BCL2L11: variants seen among roughly 807,000 people sequenced by gnomAD.
BCL2L11 encodes bcl-2-like protein 11.
A neutral mutation model predicts 20.6 loss-of-function variants in BCL2L11; 15 were observed. The observed-to-expected ratio is 0.73, with a 90% CI of 0.49 to 1.12. The LOEUF is 1.12. BCL2L11 is among the 50% of genes most tolerant of loss of function. BCL2L11 has a pLI of 0.00. For missense variants in BCL2L11, 292 were observed against 260.9 expected (o/e 1.12, Z -0.82); for synonymous variants, 108 against 92.8 (o/e 1.16, Z -0.94).
At chr2:111,141,926 C>T (rs1345054010) in intron 2 of BCL2L11, among the ~76,000 whole-genome samples, 1 of 152,112 alleles carries the variant, frequency 6.6e-6, no homozygotes, top group Admixed American at 6.5e-5. Context: ...GTCTTGAACT[C>T]CTGACCTCAA....
At position 111,139,793 on chromosome 2, in the gene BCL2L11, A is replaced by G. The variant is rs113353186; in HGVS notation, c.395-10251A>G. On this transcript the variant is annotated intron_variant, in intron 2 of 3. Coordinates refer to ENST00000393256, the MANE Select transcript of BCL2L11 (RefSeq NM_138621.5). ...TTTGTCTCCCCAGTGTCCTCTGGGA[A>G]ACCAAAATGTGCTTTGTATTTTCTC... 9.9e-3 allele frequency among the ~76,000 whole-genome samples: 1,504 copies of G among 152,316 alleles called. 42 individuals carry two copies. Among genetic ancestry groups the G allele is most frequent in the African/African-American group, 0.035 (1,451 of 41,564 alleles).
chr2:111,157,698 C>T (rs1001531957), intron 3 of BCL2L11, among the ~76,000 whole-genome samples: 39 of 152,332 alleles, frequency 2.6e-4, no homozygotes, highest in African/African-American at 9.4e-4. Flanking sequence ...TGGACATTCA[C>T]TGGAGAAGAG....
chr2:111,146,793 A>G (rs4848397), intron 2 of BCL2L11, among the ~76,000 whole-genome samples: 17,176 of 152,246 alleles, frequency 0.11, 1,047 homozygotes, highest in East Asian at 0.26. Flanking sequence ...GTACTAACAG[A>G]TTAAAACTAC....
intron 2 of BCL2L11, among the ~76,000 whole-genome samples, chr2:111,147,153 G>C (rs1257839217): frequency 1.3e-5 from 2 of 152,042 alleles, no homozygotes; most frequent in Non-Finnish European, 2.9e-5. Context: ...TATAAGCCTA[G>C]TCTCTAAACC....
At chr2:111,134,141 T>C (rs766424118) in intron 2 of BCL2L11, among the ~76,000 whole-genome samples, 29 of 152,060 alleles carry the variant, frequency 1.9e-4, no homozygotes, top group Non-Finnish European at 2.8e-4. Context: ...GTCTCTTAAA[T>C]GGTCTAGACC....
chr2:111,129,951 GT>G lies in BCL2L11; in HGVS notation c.394+5819del, dbSNP rs769523928. On this transcript the variant is annotated intron_variant, in intron 2 of 3. Transcript: ENST00000393256. Reference sequence around the variant, plus strand: ...AGATGTTGTGTAACAATAGTGCCTTGTTTTTTTATTGCTGAATAGTATTCCA... The same window carrying G: ...AGATGTTGTGTAACAATAGTGCCTTGTTTTTTATTGCTGAATAGTATTCCA... Among the ~76,000 whole-genome samples, 10 of 152,190 alleles carry G rather than the reference GT, an allele frequency of 6.6e-5. 1 individual carries two copies. The highest frequency in any genetic ancestry group is 1.4e-4 in the African/African-American group (6 of 41,514).
At chr2:111,131,452 CCT>C (rs1026206465) in intron 2 of BCL2L11, 3 of 151,874 alleles carry the variant, frequency 2.0e-5, no homozygotes, top group Non-Finnish European at 4.4e-5. Context: ...TGTGATAACC[CCT>C]GCTTCATTTC....
At chr2:111,140,555 G>C (rs2075644193) in intron 2 of BCL2L11, among the ~76,000 whole-genome samples, 1 of 152,192 alleles carries the variant, frequency 6.6e-6, no homozygotes, top group African/African-American at 2.4e-5. Flanking sequence ...AGCCAAGCTC[G>C]ATAACCTGAT....
At chr2:111,144,350 TG>T in intron 2 of BCL2L11, 1 of 915,372 alleles carries the variant, frequency 1.1e-6, no homozygotes, top group Non-Finnish European at 1.7e-6. Flanking sequence ...GAAATAGACC[TG>T]GAGGGAGGTG....
At chr2:111,138,555 G>A (rs1242140252) in intron 2 of BCL2L11, among the ~76,000 whole-genome samples, 2 of 152,140 alleles carry the variant, frequency 1.3e-5, no homozygotes, top group Admixed American at 6.5e-5. Context: ...TCAAGCTTTG[G>A]TCCCATCAGG....
intron 2 of BCL2L11, among the ~76,000 whole-genome samples, chr2:111,147,346 T>TCACACACA (rs70962921): frequency 8.0e-5 from 11 of 137,414 alleles, no homozygotes; most frequent in East Asian, 4.3e-4. Context: ...TCTCTCTCTC[T>TCACACACA]CACACACACA....
At chr2:111,145,164 A>G (rs2076341869) in intron 2 of BCL2L11, among the ~76,000 whole-genome samples, 1 of 152,172 alleles carries the variant, frequency 6.6e-6, no homozygotes, top group Non-Finnish European at 1.5e-5. Context: ...CTACACTTGA[A>G]ATTCCAGTAA....
chr2:111,150,668 A>T (rs2077139223), intron 3 of BCL2L11, among the ~76,000 whole-genome samples: 1 of 152,238 alleles, frequency 6.6e-6, no homozygotes, highest in African/African-American at 2.4e-5. Flanking sequence ...TTAATTGTTG[A>T]AATGTATTAG....
chr2:111,157,446 A>G (rs949457987), intron 3 of BCL2L11, among the ~76,000 whole-genome samples: 9 of 152,192 alleles, frequency 5.9e-5, no homozygotes, highest in Admixed American at 5.9e-4. Context: ...AGGCTGAAAC[A>G]TTTTGGAACA....
chr2:111,145,038 C>G (rs983745499), intron 2 of BCL2L11, among the ~76,000 whole-genome samples: 2 of 152,204 alleles, frequency 1.3e-5, no homozygotes, highest in South Asian at 4.1e-4. Flanking sequence ...AAGCTTAATT[C>G]ACGCTGATGA....
chr2:111,138,201 G>T (rs2075260197), intron 2 of BCL2L11, among the ~76,000 whole-genome samples: 1 of 151,908 alleles, frequency 6.6e-6, no homozygotes. Context: ...TAGAGACAGG[G>T]TTTCACTATG....
chr2:111,163,993 G>C, intron 3 of BCL2L11, 140 bp from the exon 4 acceptor site: 3 of 616,834 alleles, frequency 4.9e-6, no homozygotes, highest in Non-Finnish European at 8.9e-6. Flanking sequence ...GAGGCATCGT[G>C]CTTTGTGACA....
At chr2:111,147,159 A>G (rs1482129436) in intron 2 of BCL2L11, among the ~76,000 whole-genome samples, 1 of 152,176 alleles carries the variant, frequency 6.6e-6, no homozygotes, top group Non-Finnish European at 1.5e-5. Flanking sequence ...CCTAGTCTCT[A>G]AACCATTATC....
intron 2 of BCL2L11, 96 bp downstream of exon 2, chr2:111,124,235 T>A: frequency 7.4e-7 from 1 of 1,356,564 alleles, no homozygotes; most frequent in Non-Finnish European, 1.0e-6. Flanking sequence ...TAAAACCCCG[T>A]AACTGATTTA....
Sources: gnomAD v4.1 joint callset for allele counts (sites outside exome capture counted in the v4.1 genomes callset) on GRCh38, gnomAD v4.1.1 for gene constraint, MANE v1.5 for transcripts, NCBI Gene and HGNC (gene_info 2026-07-23, HGNC 2026-07-21) for gene names.